Variants in NSUN3 observed in about 807,000 individuals in gnomAD.
NSUN3 encodes the protein tRNA (cytosine(34)-C(5))-methyltransferase, mitochondrial.
A neutral mutation model predicts 36.8 loss-of-function variants in NSUN3; 24 were observed. The observed-to-expected ratio is 0.65, with a 90% CI of 0.47 to 0.92. The LOEUF (loss-of-function observed/expected upper bound fraction) is 0.92. NSUN3 is among the 40% of genes least tolerant of loss of function. The pLI is 0.00. For synonymous variants in NSUN3, 146 were observed against 145.2 expected, an observed-to-expected ratio of 1.01 and a Z score of -0.04; for missense variants, 381 against 392.8, an observed-to-expected ratio of 0.97 and a Z score of 0.25.
chr3:94,064,524 G>T lies in NSUN3; in HGVS notation c.100G>T (p.Gly34Ter), dbSNP rs766560223. 1.2e-6 allele frequency: 2 copies of T among 1,602,948 alleles called. No individual in the cohort carries two copies. The change falls in exon 2 of 6, where the codon GGA becomes TGA. Residue 34 changes from glycine (G) to a stop codon, truncating the protein, a stop_gained. Coordinates refer to ENST00000314622, the MANE Select transcript of NSUN3 (RefSeq NM_022072.5). LOFTEE classifies it high-confidence loss of function. ...HFEKQYSKEL[G>*]DAWNTVREIL... The stretch of plus-strand genomic sequence containing the variant: ...TGAAAAACAGTATTCCAAAGAACTC[G>T]GAGATGCCTGGAATACAGTAAGGTT...
intron 5 of NSUN3, among the ~76,000 whole-genome samples, chr3:94,118,697 A>G (rs2077450225): frequency 6.6e-6 from 1 of 152,076 alleles, no homozygotes; most frequent in South Asian, 2.1e-4. Context: ...TCTTATTTAA[A>G]AAAAAAAATA....
At chr3:94,112,957 C>CGGGTT (rs1560040577) in intron 5 of NSUN3, among the ~76,000 whole-genome samples, 6 of 152,120 alleles carry the variant, frequency 3.9e-5, no homozygotes. Flanking sequence ...TTCTGCCTCC[C>CGGGTT]GGGTTCATGC....
intron 2 of NSUN3, among the ~76,000 whole-genome samples, chr3:94,081,289 T>G (rs1197591111): frequency 6.6e-6 from 1 of 152,162 alleles, no homozygotes. Flanking sequence ...CAGTTGGAAA[T>G]GCAGAAATCA....
At chr3:94,107,830 A>G (rs984101510) in intron 5 of NSUN3, among the ~76,000 whole-genome samples, 1 of 152,192 alleles carries the variant, frequency 6.6e-6, no homozygotes, top group African/African-American at 2.4e-5. Context: ...TCAATCAGAA[A>G]TGAGACCACA....
chr3:94,113,720 A>G (rs2077428030), intron 5 of NSUN3, among the ~76,000 whole-genome samples: 1 of 152,218 alleles, frequency 6.6e-6, no homozygotes, highest in African/African-American at 2.4e-5. Context: ...TGCTGAGTCA[A>G]GCTTCTGAGG....
intron 2 of NSUN3, among the ~76,000 whole-genome samples, chr3:94,081,205 C>A (rs72929719): frequency 0.064 from 9,674 of 152,228 alleles, 625 homozygotes; most frequent in African/African-American, 0.16. Context: ...GGCGATGCCC[C>A]ACCCTGCTTC....
intron 5 of NSUN3, among the ~76,000 whole-genome samples, chr3:94,116,136 C>T (rs569173449): frequency 6.6e-6 from 1 of 151,964 alleles, no homozygotes; most frequent in Non-Finnish European, 1.5e-5. Context: ...TTCTTACTAT[C>T]CTTTAGTTGG....
At chr3:94,102,904 T>TGA (rs2077371777) in intron 5 of NSUN3, among the ~76,000 whole-genome samples, 1 of 152,046 alleles carries the variant, frequency 6.6e-6, no homozygotes, top group African/African-American at 2.4e-5. Context: ...TTATTTATTT[T>TGA]GAGAGAGAGT....
intron 5 of NSUN3, among the ~76,000 whole-genome samples, chr3:94,107,620 TCAGA>T (rs2077395557): frequency 6.6e-6 from 1 of 152,076 alleles, no homozygotes; most frequent in African/African-American, 2.4e-5. Context: ...TTTCTTTAAA[TCAGA>T]CAGTCTACTG....
At chr3:94,109,001 G>C (rs2077404219) in intron 5 of NSUN3, among the ~76,000 whole-genome samples, 2 of 152,276 alleles carry the variant, frequency 1.3e-5, no homozygotes, top group South Asian at 4.1e-4. Context: ...TAAAAATATA[G>C]TTTCCGGTTG....
chr3:94,095,788 C>T (rs1186102369), intron 5 of NSUN3, among the ~76,000 whole-genome samples: 1 of 152,036 alleles, frequency 6.6e-6, no homozygotes, highest in Non-Finnish European at 1.5e-5. Flanking sequence ...ACTCTGTCGC[C>T]CAGGCTGGAG....
chr3:94,087,045 A>G (rs2077295145), intron 3 of NSUN3, among the ~76,000 whole-genome samples: 1 of 152,262 alleles, frequency 6.6e-6, no homozygotes, highest in Non-Finnish European at 1.5e-5. Context: ...AGGAACCCAA[A>G]GGCAAACTGA....
chr3:94,073,032 T>A (rs1350457575), intron 2 of NSUN3, among the ~76,000 whole-genome samples: 2 of 152,144 alleles, frequency 1.3e-5, no homozygotes, highest in African/African-American at 2.4e-5. Flanking sequence ...CACCTCCCAC[T>A]GATGAGTGAG....
intron 5 of NSUN3, among the ~76,000 whole-genome samples, chr3:94,108,707 G>A (rs911964542): frequency 4.0e-5 from 6 of 151,860 alleles, no homozygotes; most frequent in African/African-American, 1.5e-4. Context: ...TGCCCAGGCT[G>A]GAGTGCAATG....
At position 94,094,279 on chromosome 3, in the gene NSUN3, T is replaced by C; in HGVS notation, c.606T>C (p.Pro202=). The change falls in exon 4 of 6, where the codon CCT becomes CCC. Residue 202 remains proline (P), a synonymous_variant. Transcript: ENST00000314622. ...GCAGAAAAATGGGAGATGCCCAGCC[T>C]GAAATGTTTGACAAGGTACTTTTAT... ...LDGRKMGDAQ[P]EMFDKVLVDA... 6.2e-7 allele frequency: 1 copy of C among 1,612,296 alleles called. No individual in the cohort carries two copies. Among genetic ancestry groups the C allele is most frequent in the Non-Finnish European group, 8.5e-7 (1 of 1,179,472 alleles).
intron 5 of NSUN3, among the ~76,000 whole-genome samples, chr3:94,119,701 C>T (rs2077453759): frequency 6.6e-6 from 1 of 152,166 alleles, no homozygotes; most frequent in African/African-American, 2.4e-5. Context: ...AAATTGCCTG[C>T]CTTCCTTTAT....
rs747039910 is a variant in NSUN3 at position 94,131,024 on chromosome 3, C to T, written c.*4534C>T. ...ACTTCCTGGGTTCAAGTTATCTTTT[C>T]GCCTCAGCCTCCTAAGTAGCCTGGA... On this transcript the variant is annotated 3_prime_UTR_variant, in exon 6 of 6. Transcript: ENST00000314622. Among the ~76,000 whole-genome samples, 12 of 151,906 alleles carry T rather than the reference C, an allele frequency of 7.9e-5. No individual in the cohort carries two copies. Among genetic ancestry groups the T allele is most frequent in the Admixed American group, 7.2e-4 (11 of 15,222 alleles).
intron 2 of NSUN3, among the ~76,000 whole-genome samples, chr3:94,077,879 CA>C (rs1216057534): frequency 1.3e-5 from 2 of 152,126 alleles, no homozygotes; most frequent in East Asian, 3.9e-4. Context: ...TTGATCTTTT[CA>C]AAAAACCAGC....
At chr3:94,104,954 CT>C (rs1172232006) in intron 5 of NSUN3, among the ~76,000 whole-genome samples, 9 of 152,080 alleles carry the variant, frequency 5.9e-5, no homozygotes, top group Admixed American at 5.2e-4. Flanking sequence ...AGTTTAACAT[CT>C]TTTTTTCTTA....
Sources: allele counts gnomAD v4.1 joint callset (sites outside exome capture counted in the v4.1 genomes callset), GRCh38; gene constraint gnomAD v4.1.1; transcripts MANE v1.5; gene names NCBI Gene and HGNC (gene_info 2026-07-23, HGNC 2026-07-21).